The following DEFB121 variants were observed in gnomAD, a reference collection of about 807,000 sequenced individuals.
DEFB121 encodes the protein defensin beta 121.
A neutral mutation model predicts 2.5 loss-of-function variants in DEFB121; 5 were observed. The ratio of observed to expected loss-of-function variants is 1.96; its 90% CI spans 1.03 to 4.13. DEFB121 has a LOEUF of 4.13. Ranked by LOEUF, DEFB121 falls within the 30% of genes most tolerant of loss-of-function variation. The pLI, the probability that DEFB121 is intolerant of heterozygous loss-of-function variation, is 0.00. For synonymous variants in DEFB121, 39 were observed against 32.6 expected, an observed-to-expected ratio of 1.20 and a Z score of -0.67; for missense variants, 87 against 85.0, an observed-to-expected ratio of 1.02 and a Z score of -0.09.
chr20:31,409,095 A>G (rs530710010), upstream of DEFB121, among the ~76,000 whole-genome samples: 2 of 152,178 alleles, frequency 1.3e-5, no homozygotes, highest in African/African-American at 2.4e-5. Flanking sequence ...CCTGGATGAC[A>G]TAGCAAGGTC....
At chr20:31,413,971 G>T (rs905348085), upstream of DEFB121, among the ~76,000 whole-genome samples, 1 of 152,202 alleles carries the variant, frequency 6.6e-6, no homozygotes, top group Non-Finnish European at 1.5e-5. Context: ...ACTTTGGGAG[G>T]CTGAGGCAGG....
upstream of DEFB121, among the ~76,000 whole-genome samples, chr20:31,409,778 A>AT (rs1181829243): frequency 6.6e-6 from 1 of 152,128 alleles, no homozygotes; most frequent in Non-Finnish European, 1.5e-5. Flanking sequence ...AATAATAAAC[A>AT]TTTTTTAAAA....
At chr20:31,415,113 C>T (rs897087960), upstream of DEFB121, among the ~76,000 whole-genome samples, 1 of 152,174 alleles carries the variant, frequency 6.6e-6, no homozygotes, top group Non-Finnish European at 1.5e-5. Flanking sequence ...TGCTGTACTA[C>T]ATTGTACCTA....
upstream of DEFB121, among the ~76,000 whole-genome samples, chr20:31,413,512 T>C (rs180823830): frequency 2.6e-5 from 4 of 152,268 alleles, no homozygotes; most frequent in Admixed American, 2.0e-4. Flanking sequence ...CTATTTCCCA[T>C]ACATGCTGCA....
upstream of DEFB121, among the ~76,000 whole-genome samples, chr20:31,416,756 C>CTT (rs1266966108): frequency 6.6e-6 from 1 of 152,204 alleles, no homozygotes; most frequent in Non-Finnish European, 1.5e-5. Flanking sequence ...TAATTCTGAC[C>CTT]TTTAACAGTT....
At chr20:31,406,429 C>G (rs1043850638), upstream of DEFB121, among the ~76,000 whole-genome samples, 2 of 151,732 alleles carry the variant, frequency 1.3e-5, no homozygotes, top group Admixed American at 1.3e-4. Context: ...AGCTGGAGAA[C>G]CAAGAAGGGG....
chr20:31,405,335 T>G (rs1568738521), intron 1 of DEFB121, among the ~76,000 whole-genome samples: 1 of 151,600 alleles, frequency 6.6e-6, no homozygotes, highest in Admixed American at 6.6e-5. Context: ...ACTGGATAGC[T>G]TCCCCTCCTT....
upstream of DEFB121, among the ~76,000 whole-genome samples, chr20:31,406,477 A>AG (rs2122349638): frequency 6.6e-6 from 1 of 152,310 alleles, no homozygotes; most frequent in Non-Finnish European, 1.5e-5. Flanking sequence ...TTCATTAATG[A>AG]GAAAAAAAGA....
chr20:31,406,289 G>T (rs979507884), upstream of DEFB121: 7 of 1,446,324 alleles, frequency 4.8e-6, no homozygotes, highest in Non-Finnish European at 6.4e-6. Context: ...ACCAGAACGG[G>T]AACAGTCATT....
intron 1 of DEFB121, among the ~76,000 whole-genome samples, chr20:31,411,941 T>A (rs1978676563): frequency 6.6e-6 from 1 of 152,196 alleles, no homozygotes; most frequent in Non-Finnish European, 1.5e-5. Flanking sequence ...TATCTGAAAT[T>A]CAGAAAACTC....
At chr20:31,412,646 G>A (rs939126241) in exon 1 of DEFB121, 1 of 1,290,772 alleles carries the variant, frequency 7.7e-7, no homozygotes, top group Non-Finnish European at 1.0e-6. Context: ...TGAAACATTT[G>A]GCTATTGACC....
chr20:31,415,620 C>T (rs1265105483), upstream of DEFB121, among the ~76,000 whole-genome samples: 4 of 150,282 alleles, frequency 2.7e-5, no homozygotes, highest in Non-Finnish European at 5.9e-5. Context: ...CATAAAAATA[C>T]TGCAAAGTAG....
Position 31,406,109 on chromosome 20 carries a change from G to A in DEFB121, c.44C>T (p.Ala15Val), listed in dbSNP as rs755068078. Residue 15 changes from alanine (A) to valine (V), a missense_variant, in exon 1 of 2, where the codon GCC becomes GTC. Transcript: ENST00000376314. ...ATCCTGTTTACCTGGGGTGACCTGG[G>A]CCAGGAGCAGAGTAACAGTCAAAAG... ...LLLLTVTLLL[A>V]QVTPVMKCWG... is the part of the protein sequence containing the mutation. 10 of 1,613,988 alleles carry A rather than the reference G, an allele frequency of 6.2e-6. No individual in the cohort carries two copies. The East Asian group carries it at 1.8e-4, about 29-fold the overall frequency.
intron 1 of DEFB121, chr20:31,412,501 C>T: frequency 1.6e-6 from 1 of 615,074 alleles, no homozygotes; most frequent in Non-Finnish European, 2.6e-6. Flanking sequence ...ATACTACTGA[C>T]AGCAGAGGTT....
intron 1 of DEFB121, among the ~76,000 whole-genome samples, chr20:31,412,341 G>C (rs1432500379): frequency 2.0e-5 from 3 of 152,168 alleles, no homozygotes; most frequent in Admixed American, 1.3e-4. Flanking sequence ...CTATCACTAG[G>C]GGTAATGTGG....
At chr20:31,417,725 G>A (rs894781141), upstream of DEFB121, among the ~76,000 whole-genome samples, 1 of 152,138 alleles carries the variant, frequency 6.6e-6, no homozygotes, top group Non-Finnish European at 1.5e-5. Context: ...CACTTTGGCA[G>A]ACCGAGGCAG....
chr20:31,408,280 C>G (rs897148322), upstream of DEFB121, among the ~76,000 whole-genome samples: 2 of 152,024 alleles, frequency 1.3e-5, no homozygotes, highest in African/African-American at 4.8e-5. Flanking sequence ...TCCATCTCTA[C>G]ACACACACAA....
chr20:31,409,978 G>A (rs1003127823), upstream of DEFB121, among the ~76,000 whole-genome samples: 6 of 151,958 alleles, frequency 3.9e-5, no homozygotes, highest in African/African-American at 1.5e-4. Flanking sequence ...TGATGAAAAT[G>A]TTCTATATGC....
At chr20:31,410,953 A>G (rs1978647332), upstream of DEFB121, among the ~76,000 whole-genome samples, 1 of 152,128 alleles carries the variant, frequency 6.6e-6, no homozygotes, top group Non-Finnish European at 1.5e-5. Context: ...ACAGAGTTTC[A>G]TCTACACTGA....
Sources: allele counts gnomAD v4.1 joint callset (sites outside exome capture counted in the v4.1 genomes callset), GRCh38; gene constraint gnomAD v4.1.1; transcripts MANE v1.5; gene names NCBI Gene and HGNC (gene_info 2026-07-23, HGNC 2026-07-21).